FOXP1: variants seen among roughly 807,000 people sequenced by gnomAD.
The protein encoded by FOXP1 is forkhead box P1.
In FOXP1, 15 loss-of-function variants were observed where a neutral mutation model predicts 98.2. The observed-to-expected ratio is 0.15, with a 90% confidence interval of 0.10 to 0.24. The LOEUF (loss-of-function observed/expected upper bound fraction) is 0.24, where lower values mean the gene tolerates loss of function less well. FOXP1 is among the 10% of genes least tolerant of loss of function. FOXP1 has a pLI of 1.00. For synonymous variants in FOXP1, 371 were observed against 314.5 expected (o/e 1.18, Z -1.90); for missense variants, 633 against 848.5 (o/e 0.75, Z 3.15).
At chr3:71,000,918 A>T in intron 13 of FOXP1, 54 bp downstream of exon 13, 1 of 1,169,534 alleles carries the variant, frequency 8.6e-7, no homozygotes. Context: ...ACACTACAGA[A>T]ATCTGGAATT....
intron 13 of FOXP1, among the ~76,000 whole-genome samples, chr3:70,997,165 G>A (rs181294757): frequency 2.2e-3 from 342 of 152,310 alleles, no homozygotes; most frequent in African/African-American, 7.9e-3. Context: ...AGAGAACAAG[G>A]GAGGGACGAT....
chr3:71,308,687 GA>G lies in FOXP1; in HGVS notation c.-72-8808del, dbSNP rs966844790. ...TTGCTCTTCTCTGATTTGAGCAAAG[GA>G]AAAAAAAATAAACTGGAACTGTAAA... On this transcript the variant is annotated intron_variant, in intron 4 of 20. Coordinates refer to ENST00000649528, the MANE Select transcript of FOXP1 (RefSeq NM_001349338.3). Among the ~76,000 whole-genome samples the G allele has an allele frequency of 4.9e-5, 7 of 143,998 alleles. No homozygotes were observed. In the East Asian group the frequency reaches 8.2e-4, roughly 17 times the overall value. The allele number at this position is 143,998 out of a possible 152,430, so 94.5% of individuals were successfully genotyped here.
intron 5 of FOXP1, among the ~76,000 whole-genome samples, chr3:71,283,093 T>G (rs924723208): frequency 6.6e-5 from 10 of 152,204 alleles, no homozygotes; most frequent in Admixed American, 1.3e-4. Context: ...CCCATCTGCC[T>G]TCCACTGGTG....
At chr3:71,147,698 A>G (rs1399511108) in intron 6 of FOXP1, among the ~76,000 whole-genome samples, 2 of 152,212 alleles carry the variant, frequency 1.3e-5, no homozygotes. Context: ...AACAATGGCT[A>G]AATCAATGTC....
intron 13 of FOXP1, among the ~76,000 whole-genome samples, chr3:70,998,873 C>A (rs2041747015): frequency 6.6e-6 from 1 of 152,152 alleles, no homozygotes; most frequent in Non-Finnish European, 1.5e-5. Context: ...AAGAATAATT[C>A]ATAAAATAAA....
At chr3:71,361,540 C>T (rs552603676) in intron 3 of FOXP1, among the ~76,000 whole-genome samples, 62 of 152,262 alleles carry the variant, frequency 4.1e-4, no homozygotes, top group African/African-American at 1.4e-3. Flanking sequence ...CACTCGATTG[C>T]AGGTTTGGCA....
chr3:70,999,481 T>A (rs1428123594), intron 13 of FOXP1, among the ~76,000 whole-genome samples: 1 of 152,206 alleles, frequency 6.6e-6, no homozygotes, highest in African/African-American at 2.4e-5. Flanking sequence ...TCAATAAACA[T>A]GTTAATTTAA....
intron 3 of FOXP1, among the ~76,000 whole-genome samples, chr3:71,394,983 C>T (rs957745031): frequency 6.6e-6 from 1 of 151,726 alleles, no homozygotes; most frequent in Middle Eastern, 3.4e-3. Context: ...GCCTGTAATC[C>T]CAGCTACTTG....
At chr3:71,574,173 A>G (rs541158251) in intron 2 of FOXP1, 3 of 152,316 alleles carry the variant, frequency 2.0e-5, no homozygotes, top group African/African-American at 4.8e-5. Context: ...AATATCCCCA[A>G]TGCTACCTAA....
intron 5 of FOXP1, among the ~76,000 whole-genome samples, chr3:71,236,570 G>T (rs570923582): frequency 6.6e-6 from 1 of 152,170 alleles, no homozygotes; most frequent in Non-Finnish European, 1.5e-5. Context: ...TAGCAGCCAC[G>T]TATAAACAAG....
At chr3:71,108,887 T>C (rs1011851943) in intron 7 of FOXP1, among the ~76,000 whole-genome samples, 6 of 152,210 alleles carry the variant, frequency 3.9e-5, no homozygotes, top group Non-Finnish European at 8.8e-5. Flanking sequence ...CAGTTCTGTA[T>C]CCCATGAACA....
intron 6 of FOXP1, among the ~76,000 whole-genome samples, chr3:71,158,109 G>GGGAGGA (rs1276703178): frequency 5.5e-5 from 1 of 18,262 alleles, no homozygotes; most frequent in East Asian, 2.1e-3. Context: ...GGAAGGAAGG[G>GGGAGGA]AGGGAGGGAG....
chr3:71,450,274 G>C (rs1370771857), intron 3 of FOXP1, among the ~76,000 whole-genome samples: 2 of 152,162 alleles, frequency 1.3e-5, no homozygotes, highest in African/African-American at 2.4e-5. Flanking sequence ...GTACCTCCAT[G>C]CTGGCAATTT....
chr3:71,564,661 T>A (rs1198110317), intron 2 of FOXP1, among the ~76,000 whole-genome samples: 4 of 152,214 alleles, frequency 2.6e-5, no homozygotes, highest in Non-Finnish European at 5.9e-5. Flanking sequence ...AGGCTGAGAT[T>A]AGCAACACTC....
At chr3:71,482,318 A>G (rs1176135606) in intron 3 of FOXP1, among the ~76,000 whole-genome samples, 1 of 150,328 alleles carries the variant, frequency 6.7e-6, no homozygotes, top group Non-Finnish European at 1.5e-5. Flanking sequence ...TGCTAAGTTT[A>G]TTTTTTGCTA....
intron 3 of FOXP1, among the ~76,000 whole-genome samples, chr3:71,462,302 T>C (rs921149502): frequency 6.6e-6 from 1 of 152,212 alleles, no homozygotes; most frequent in Non-Finnish European, 1.5e-5. Flanking sequence ...TGTGTAAACC[T>C]ATTCGAGTCA....
At chr3:71,229,649 T>C (rs1345326709) in intron 5 of FOXP1, among the ~76,000 whole-genome samples, 5 of 152,156 alleles carry the variant, frequency 3.3e-5, no homozygotes, top group Non-Finnish European at 7.3e-5. Context: ...GGCTCCACAC[T>C]ATCCTTGTAG....
At position 71,349,722 on chromosome 3, in the gene FOXP1, T is replaced by C. The variant is rs987771167; in HGVS notation, c.-73+9428A>G. On this transcript the variant is annotated intron_variant, in intron 4 of 20. Transcript: ENST00000649528. ...ATGGACATAACTAAATGTTAAGCTT[T>C]TGACAACCAATGAGGTATAAAAATC... 3.3e-5 allele frequency among the ~76,000 whole-genome samples: 5 copies of C among 152,224 alleles called. No individual in the cohort carries two copies. In the East Asian group the frequency reaches 9.6e-4, roughly 29 times the overall value.
chr3:70,970,811 T>A lies in FOXP1; in HGVS notation c.1653-6A>T. ...TTTTAATAAGGGAAGGGTTACTGTG[T>A]AAGAAAAACATAAAAACTCAAAGTT... On this transcript the variant is annotated splice_polypyrimidine_tract_variant and splice_region_variant and intron_variant, in intron 18 of 20. Transcript: ENST00000649528. 6.2e-7 allele frequency: 1 copy of A among 1,610,454 alleles called. No homozygotes were observed. The highest frequency in any genetic ancestry group is 8.5e-7 in the Non-Finnish European group (1 of 1,176,646).
Sources: allele counts gnomAD v4.1 joint callset (sites outside exome capture counted in the v4.1 genomes callset), GRCh38; gene constraint gnomAD v4.1.1; transcripts MANE v1.5; gene names NCBI Gene and HGNC (gene_info 2026-07-23, HGNC 2026-07-21).